LIMS1: variants seen among roughly 807,000 people sequenced by gnomAD.
LIMS1 encodes the protein LIM and senescent cell antigen-like-containing domain protein 1.
Under a neutral mutation model 44.1 loss-of-function variants are expected in LIMS1, and 18 were observed. The ratio of observed to expected loss-of-function variants is 0.41; its 90% confidence interval spans 0.28 to 0.61. LIMS1 has a LOEUF of 0.61. Among genes scored for constraint, LIMS1 ranks in the 20% least tolerant of loss-of-function variants. LIMS1 has a pLI of 0.32. For synonymous variants in LIMS1, 93 were observed against 149.1 expected, an observed-to-expected ratio of 0.62 and a Z score of 2.74; for missense variants, 201 against 422.0, an observed-to-expected ratio of 0.48 and a Z score of 4.59.
chr2:108,670,737 G>T lies in LIMS1; in HGVS notation c.193-44G>T, dbSNP rs761917065. 8 of 1,611,566 alleles carry T rather than the reference G, an allele frequency of 5.0e-6. No homozygotes were observed. The Admixed American group carries it at 8.3e-5, about 17-fold the overall frequency. ...TTCATCAAATAATTATATTTCTCCT[G>T]TGATTGTTTCGTGTTTGTAAGTTGG... is the stretch of plus-strand genomic sequence containing the variant. On this transcript the variant is annotated intron_variant, in intron 2 of 9. Transcript: ENST00000544547.
chr2:108,550,698 C>T (rs1337269689), intron 1 of LIMS1, among the ~76,000 whole-genome samples: 1 of 151,034 alleles, frequency 6.6e-6, no homozygotes, highest in Non-Finnish European at 1.5e-5. Flanking sequence ...TGCCTGTAGT[C>T]CCAGTTACTC....
intron 1 of LIMS1, among the ~76,000 whole-genome samples, chr2:108,583,583 G>T (rs914520732): frequency 1.3e-5 from 2 of 151,988 alleles, no homozygotes; most frequent in Admixed American, 6.6e-5. Context: ...TTAAAGTCCC[G>T]GGAGGAAAAG....
intron 9 of LIMS1, among the ~76,000 whole-genome samples, chr2:108,683,539 CAAAAAAAA>C (rs35864001): frequency 9.4e-6 from 1 of 105,986 alleles, no homozygotes; most frequent in Non-Finnish European, 1.8e-5. Context: ...GCTCTGTTTC[CAAAAAAAA>C]AAAAAAAAAA....
chr2:108,601,497 C>T (rs1042265315), intron 1 of LIMS1, among the ~76,000 whole-genome samples: 1 of 152,130 alleles, frequency 6.6e-6, no homozygotes, highest in African/African-American at 2.4e-5. Flanking sequence ...TTGCGATTGT[C>T]TATTGTTTTT....
intron 1 of LIMS1, among the ~76,000 whole-genome samples, chr2:108,541,591 G>A (rs1041759359): frequency 2.0e-5 from 3 of 152,184 alleles, no homozygotes; most frequent in African/African-American, 7.2e-5. Context: ...AAACTCCAGC[G>A]CCTGGAATTT....
intron 1 of LIMS1, among the ~76,000 whole-genome samples, 184 bp downstream of exon 1, chr2:108,534,778 G>T (rs13025559): frequency 6.6e-6 from 1 of 151,806 alleles, no homozygotes; most frequent in African/African-American, 2.4e-5. Context: ...GGCCCGCGGA[G>T]GAGACGGCTG....
At chr2:108,683,038 T>C (rs1415697995) in intron 9 of LIMS1, among the ~76,000 whole-genome samples, 1 of 152,218 alleles carries the variant, frequency 6.6e-6, no homozygotes, top group Non-Finnish European at 1.5e-5. Flanking sequence ...AATAAATTGA[T>C]AATGTGTGTT....
At chr2:108,579,761 T>G (rs974201829) in intron 1 of LIMS1, among the ~76,000 whole-genome samples, 12 of 152,336 alleles carry the variant, frequency 7.9e-5, no homozygotes, top group African/African-American at 2.6e-4. Flanking sequence ...AATCATCACT[T>G]GTAACTTGAG....
chr2:108,570,364 A>G (rs764745829), intron 1 of LIMS1, among the ~76,000 whole-genome samples: 2 of 151,546 alleles, frequency 1.3e-5, no homozygotes, highest in Admixed American at 6.6e-5. Context: ...CAGGAGGTGG[A>G]GGTTGCAGTG....
intron 1 of LIMS1, among the ~76,000 whole-genome samples, chr2:108,611,367 A>G (rs1391053695): frequency 6.6e-6 from 1 of 152,194 alleles, no homozygotes; most frequent in Admixed American, 6.5e-5. Flanking sequence ...CCTAAATTAT[A>G]TTGAGCCCCG....
intron 1 of LIMS1, among the ~76,000 whole-genome samples, chr2:108,631,782 T>C (rs1424388000): frequency 6.6e-6 from 1 of 152,206 alleles, no homozygotes; most frequent in Non-Finnish European, 1.5e-5. Context: ...AAGCCCTGGG[T>C]CTGGGAGCAG....
At chr2:108,556,968 CT>C (rs939503677) in intron 1 of LIMS1, among the ~76,000 whole-genome samples, 4 of 152,228 alleles carry the variant, frequency 2.6e-5, no homozygotes, top group South Asian at 2.1e-4. Context: ...AGGGATCCCC[CT>C]GACCCCTTCT....
chr2:108,667,839 T>TGC (rs1691890917), intron 2 of LIMS1, among the ~76,000 whole-genome samples: 1 of 152,202 alleles, frequency 6.6e-6, no homozygotes, highest in African/African-American at 2.4e-5. Context: ...TCCTCCTGTA[T>TGC]ACTTTTCATT....
At chr2:108,606,422 C>T (rs1431803671) in intron 1 of LIMS1, among the ~76,000 whole-genome samples, 2 of 152,150 alleles carry the variant, frequency 1.3e-5, no homozygotes, top group Non-Finnish European at 2.9e-5. Context: ...GTCACTGAAC[C>T]GAGGACTTTT....
At chr2:108,648,771 G>A (rs910866400) in intron 1 of LIMS1, among the ~76,000 whole-genome samples, 1 of 152,184 alleles carries the variant, frequency 6.6e-6, no homozygotes, top group Non-Finnish European at 1.5e-5. Flanking sequence ...GGGAAAACTG[G>A]CTAGCCATAT....
chr2:108,535,152 TCTGA>T (rs930685749), intron 1 of LIMS1, among the ~76,000 whole-genome samples: 2 of 152,262 alleles, frequency 1.3e-5, no homozygotes, highest in African/African-American at 4.8e-5. Flanking sequence ...TCTTGAGTTG[TCTGA>T]CTTAGTAGAG....
intron 9 of LIMS1, among the ~76,000 whole-genome samples, chr2:108,682,208 T>C (rs951534790): frequency 2.6e-5 from 4 of 152,128 alleles, no homozygotes; most frequent in Non-Finnish European, 5.9e-5. Context: ...GAATTAAATG[T>C]AAATGTAAGA....
intron 1 of LIMS1, among the ~76,000 whole-genome samples, chr2:108,553,841 A>G (rs560421851): frequency 1.3e-5 from 2 of 152,294 alleles, no homozygotes; most frequent in East Asian, 3.9e-4. Context: ...ATTTGTGAGA[A>G]TTACAGAGTT....
At chr2:108,609,870 C>T (rs1453853037) in intron 1 of LIMS1, among the ~76,000 whole-genome samples, 8 of 152,030 alleles carry the variant, frequency 5.3e-5, no homozygotes, top group Admixed American at 2.6e-4. Flanking sequence ...TGGCCGGGCG[C>T]GGTGGCTCAT....
Sources: allele counts gnomAD v4.1 joint callset (sites outside exome capture counted in the v4.1 genomes callset), GRCh38; gene constraint gnomAD v4.1.1; transcripts MANE v1.5; gene names NCBI Gene and HGNC (gene_info 2026-07-23, HGNC 2026-07-21).